Variants in CDH13 observed in about 807,000 individuals in gnomAD.
CDH13 encodes the protein cadherin-13.
CDH13 carries 24 observed loss-of-function variants against 63.8 expected under a neutral mutation model. That is an observed-to-expected ratio of 0.38 (90% CI 0.27 to 0.53). The LOEUF is 0.53. Ranked by LOEUF, CDH13 falls within the 20% of genes least tolerant of loss-of-function variation. CDH13 has a pLI of 0.85. For synonymous variants in CDH13, 503 were observed against 355.3 expected (o/e 1.42, Z -4.67); for missense variants, 1,049 against 903.1 (o/e 1.16, Z -2.07).
chr16:83,766,083 A>T (rs1597200908), intron 11 of CDH13, among the ~76,000 whole-genome samples: 1 of 152,130 alleles, frequency 6.6e-6, no homozygotes, highest in Admixed American at 6.5e-5. Flanking sequence ...ATCCTCCCAG[A>T]ATGTGGGCCT....
intron 2 of CDH13, among the ~76,000 whole-genome samples, chr16:82,870,608 A>G (rs867270217): frequency 5.3e-5 from 8 of 152,258 alleles, no homozygotes; most frequent in African/African-American, 1.9e-4. Context: ...ATAATTTATT[A>G]TATATTTTAC....
chr16:83,182,727 A>T (rs1375130294), intron 4 of CDH13, among the ~76,000 whole-genome samples: 1 of 152,256 alleles, frequency 6.6e-6, no homozygotes, highest in African/African-American at 2.4e-5. Flanking sequence ...TTAGGACTAA[A>T]AAAGTTAGTA....
At chr16:83,653,126 A>G (rs1412852071) in intron 8 of CDH13, among the ~76,000 whole-genome samples, 1 of 152,124 alleles carries the variant, frequency 6.6e-6, no homozygotes, top group East Asian at 1.9e-4. Context: ...AAAGCCAATT[A>G]GTGGTTGCCA....
At chr16:83,239,437 C>T (rs1406386343) in intron 5 of CDH13, among the ~76,000 whole-genome samples, 5 of 152,168 alleles carry the variant, frequency 3.3e-5, no homozygotes, top group Admixed American at 6.5e-5. Flanking sequence ...TGGTGATATT[C>T]ACATGACTGT....
At chr16:83,179,504 T>TAAAAAAAAAAAAAAAAAAAA (rs2038261624) in intron 4 of CDH13, among the ~76,000 whole-genome samples, 1 of 70,556 alleles carries the variant, frequency 1.4e-5, no homozygotes, top group African/African-American at 1.0e-4. Flanking sequence ...AAAAAAAAAT[T>TAAAAAAAAAAAAAAAAAAAA]AGCCGGGCGT....
chr16:83,076,144 G>A (rs1191823388), intron 3 of CDH13, among the ~76,000 whole-genome samples: 2 of 152,136 alleles, frequency 1.3e-5, no homozygotes, highest in Non-Finnish European at 2.9e-5. Context: ...AGACCAAGTG[G>A]CCCATATGGG....
intron 2 of CDH13, among the ~76,000 whole-genome samples, chr16:82,886,405 G>A (rs1229568140): frequency 6.6e-6 from 1 of 152,164 alleles, no homozygotes; most frequent in African/African-American, 2.4e-5. Flanking sequence ...TGTTATCACT[G>A]CAAACGTTTG....
At chr16:83,490,009 C>CCACACACACACA (rs10666213) in intron 7 of CDH13, among the ~76,000 whole-genome samples, 28 of 137,302 alleles carry the variant, frequency 2.0e-4, no homozygotes, top group African/African-American at 6.9e-4. Context: ...GCTGCAGAAA[C>CCACACACACACA]CACACACACA....
intron 3 of CDH13, among the ~76,000 whole-genome samples, chr16:83,102,528 C>A (rs1026109479): frequency 6.6e-6 from 1 of 152,112 alleles, no homozygotes; most frequent in Non-Finnish European, 1.5e-5. Flanking sequence ...ACATGACACA[C>A]TGTAACCCGG....
chr16:83,105,931 C>G (rs1160524859), intron 3 of CDH13, among the ~76,000 whole-genome samples: 1 of 152,178 alleles, frequency 6.6e-6, no homozygotes, highest in Admixed American at 6.5e-5. Flanking sequence ...AGTCATGAGA[C>G]AGTGTGGCAT....
chr16:83,414,141 A>G (rs1218837941), intron 6 of CDH13, among the ~76,000 whole-genome samples: 1 of 152,214 alleles, frequency 6.6e-6, no homozygotes, highest in Non-Finnish European at 1.5e-5. Flanking sequence ...GGTACCAAAA[A>G]TATTCTCATT....
intron 7 of CDH13, among the ~76,000 whole-genome samples, chr16:83,554,310 G>C (rs1456625194): frequency 6.6e-6 from 1 of 152,030 alleles, no homozygotes; most frequent in Non-Finnish European, 1.5e-5. Context: ...TGCACTGGCA[G>C]GCAACAGAAA....
intron 7 of CDH13, among the ~76,000 whole-genome samples, chr16:83,590,193 G>T (rs1455560528): frequency 2.0e-5 from 3 of 152,192 alleles, no homozygotes; most frequent in Non-Finnish European, 4.4e-5. Context: ...TAGCTGGACA[G>T]TTCGCTCTGG....
intron 7 of CDH13, among the ~76,000 whole-genome samples, chr16:83,600,570 C>G (rs977548639): frequency 1.3e-5 from 2 of 152,102 alleles, no homozygotes; most frequent in Non-Finnish European, 2.9e-5. Context: ...ATTGGACATC[C>G]TCCATTGCTT....
intron 1 of CDH13, among the ~76,000 whole-genome samples, chr16:82,666,913 G>C (rs183510132): frequency 3.2e-4 from 48 of 152,154 alleles, no homozygotes; most frequent in Admixed American, 2.2e-3. Context: ...AATTACAACA[G>C]AGAAATGATG....
At chr16:82,792,410 T>TA (rs937440455) in intron 1 of CDH13, among the ~76,000 whole-genome samples, 10 of 151,958 alleles carry the variant, frequency 6.6e-5, no homozygotes, top group Non-Finnish European at 1.2e-4. Context: ...TAGCATCTGA[T>TA]AAAAAAAAGA....
At chr16:82,917,283 A>G (rs1010822914) in intron 2 of CDH13, among the ~76,000 whole-genome samples, 6 of 152,232 alleles carry the variant, frequency 3.9e-5, no homozygotes, top group African/African-American at 7.2e-5. Flanking sequence ...GGTGGGTCCA[A>G]TGGAAGAACG....
chr16:83,519,230 G>T (rs2074772557), intron 7 of CDH13, among the ~76,000 whole-genome samples: 1 of 152,274 alleles, frequency 6.6e-6, no homozygotes, highest in Non-Finnish European at 1.5e-5. Flanking sequence ...TCTTGTCTCA[G>T]CCTAACAAGA....
intron 5 of CDH13, among the ~76,000 whole-genome samples, chr16:83,222,764 G>T (rs972082864): frequency 9.2e-5 from 14 of 152,086 alleles, no homozygotes; most frequent in African/African-American, 3.1e-4. Flanking sequence ...AAAGAGTACA[G>T]GTAGCCATTA....
Sources: gnomAD v4.1 joint callset for allele counts (sites outside exome capture counted in the v4.1 genomes callset) on GRCh38, gnomAD v4.1.1 for gene constraint, MANE v1.5 for transcripts, NCBI Gene and HGNC (gene_info 2026-07-23, HGNC 2026-07-21) for gene names.